Variants in LIPK observed in about 807,000 individuals in gnomAD.
The protein encoded by LIPK is lipase family member K, also known as lipase member K.
Under a neutral mutation model 48.6 loss-of-function variants are expected in LIPK, and 32 were observed. That is an observed-to-expected ratio of 0.66 (90% CI 0.50 to 0.88). The LOEUF (loss-of-function observed/expected upper bound fraction) is 0.88. Among genes scored for constraint, LIPK ranks in the 40% least tolerant of loss-of-function variants. The pLI, the probability that LIPK is intolerant of heterozygous loss-of-function variation, is 0.00. For missense variants in LIPK, 507 were observed against 478.5 expected (o/e 1.06, Z -0.56); for synonymous variants, 164 against 157.4 (o/e 1.04, Z -0.32).
chr10:88,743,039 G>T (rs777224367), intron 8 of LIPK, among the ~76,000 whole-genome samples: 4 of 152,286 alleles, frequency 2.6e-5, no homozygotes, highest in Admixed American at 6.5e-5. Context: ...TCACTGGAAA[G>T]ATACAGGAAT....
intron 3 of LIPK, chr10:88,728,677 C>G (rs918796048): frequency 1.3e-5 from 6 of 469,300 alleles, no homozygotes; most frequent in Admixed American, 4.3e-5. Flanking sequence ...CCGCTGGAGT[C>G]TGGGACGCAG....
At chr10:88,707,815 A>G (rs1195475118) in intron 1 of LIPK, among the ~76,000 whole-genome samples, 1 of 151,952 alleles carries the variant, frequency 6.6e-6, no homozygotes, top group Non-Finnish European at 1.5e-5. Context: ...ATTGTCTTTC[A>G]CCCTGTGGGT....
intron 1 of LIPK, among the ~76,000 whole-genome samples, chr10:88,711,145 A>C (rs1842019153): frequency 6.6e-6 from 1 of 151,910 alleles, no homozygotes; most frequent in Non-Finnish European, 1.5e-5. Context: ...TTTTAAATTT[A>C]ATTTTTTTGT....
intron 1 of LIPK, among the ~76,000 whole-genome samples, chr10:88,720,809 G>A (rs1250501258): frequency 1.3e-5 from 2 of 151,862 alleles, no homozygotes; most frequent in Non-Finnish European, 2.9e-5. Flanking sequence ...TTTGCCCATG[G>A]CCTCTTTATA....
At chr10:88,751,315 T>C (rs575538548) in intron 9 of LIPK, among the ~76,000 whole-genome samples, 2 of 152,306 alleles carry the variant, frequency 1.3e-5, no homozygotes, top group African/African-American at 4.8e-5. Flanking sequence ...AAAGTAGTCA[T>C]GAATGATACT....
chr10:88,741,232 C>CA (rs1285119062), intron 8 of LIPK, among the ~76,000 whole-genome samples: 3 of 151,776 alleles, frequency 2.0e-5, no homozygotes, highest in South Asian at 2.1e-4. Flanking sequence ...GACAGGGTCT[C>CA]AAAAAAAAGC....
chr10:88,716,964 A>AGACAGAT (rs1390506677), intron 1 of LIPK, among the ~76,000 whole-genome samples: 3 of 152,138 alleles, frequency 2.0e-5, no homozygotes, highest in Non-Finnish European at 4.4e-5. Context: ...AGTGAGCAGC[A>AGACAGAT]GACAGATGAT....
At chr10:88,749,518 T>G (rs1769702) in intron 9 of LIPK, among the ~76,000 whole-genome samples, 1 of 152,016 alleles carries the variant, frequency 6.6e-6, no homozygotes, top group Non-Finnish European at 1.5e-5. Context: ...GGGGAAAGGA[T>G]GGTCTATTCA....
At chr10:88,734,707 T>G (rs1166790232) in intron 6 of LIPK, among the ~76,000 whole-genome samples, 1 of 152,152 alleles carries the variant, frequency 6.6e-6, no homozygotes, top group Non-Finnish European at 1.5e-5. Flanking sequence ...ACAAGAGTTG[T>G]GCACTGATGA....
intron 1 of LIPK, among the ~76,000 whole-genome samples, chr10:88,717,665 G>A (rs950102352): frequency 1.3e-5 from 2 of 152,126 alleles, no homozygotes; most frequent in Non-Finnish European, 2.9e-5. Context: ...AAATAATGAT[G>A]TACCATCTGA....
At chr10:88,715,839 T>C (rs1036451312) in intron 1 of LIPK, among the ~76,000 whole-genome samples, 11 of 152,018 alleles carry the variant, frequency 7.2e-5, no homozygotes, top group African/African-American at 2.2e-4. Context: ...TTCTGCCTTA[T>C]TCTAGGATAA....
At chr10:88,730,909 A>G in intron 3 of LIPK, 74 bp from the exon 4 acceptor site, 1 of 1,341,346 alleles carries the variant, frequency 7.5e-7, no homozygotes, top group Non-Finnish European at 1.0e-6. Context: ...TACTACAGAA[A>G]TTCAGGAATG....
At chr10:88,731,692 G>C (rs1219274318) in intron 4 of LIPK, among the ~76,000 whole-genome samples, 1 of 152,196 alleles carries the variant, frequency 6.6e-6, no homozygotes, top group Non-Finnish European at 1.5e-5. Flanking sequence ...CCTTGCAAAT[G>C]ACTAGAAAAT....
At chr10:88,741,621 T>TG (rs1456491022) in intron 8 of LIPK, among the ~76,000 whole-genome samples, 2 of 152,086 alleles carry the variant, frequency 1.3e-5, no homozygotes, top group Non-Finnish European at 2.9e-5. Flanking sequence ...GTGGGGATGG[T>TG]GGGGGGCATG....
chr10:88,746,097 A>G (rs1423902964), intron 9 of LIPK, among the ~76,000 whole-genome samples: 2 of 152,142 alleles, frequency 1.3e-5, no homozygotes, highest in African/African-American at 4.8e-5. Flanking sequence ...ATATATATGC[A>G]CCCAACACAG....
chr10:88,710,674 T>C (rs1842011915), intron 1 of LIPK, among the ~76,000 whole-genome samples: 1 of 152,130 alleles, frequency 6.6e-6, no homozygotes, highest in Non-Finnish European at 1.5e-5. Context: ...TGTCGATGAG[T>C]AGTAAGCATT....
chr10:88,706,948 A>C (rs1841946763), intron 1 of LIPK, among the ~76,000 whole-genome samples: 1 of 152,132 alleles, frequency 6.6e-6, no homozygotes, highest in Admixed American at 6.6e-5. Context: ...ATTTAAGAGT[A>C]TCATGCTCCT....
chr10:88,750,403 T>C (rs897995777), intron 9 of LIPK, among the ~76,000 whole-genome samples: 1 of 152,150 alleles, frequency 6.6e-6, no homozygotes, highest in Non-Finnish European at 1.5e-5. Flanking sequence ...GGAATCTAGA[T>C]GCCCATAAGA....
chr10:88,744,976 C>T (rs1433177713), intron 9 of LIPK, among the ~76,000 whole-genome samples: 3 of 152,152 alleles, frequency 2.0e-5, no homozygotes, highest in Non-Finnish European at 2.9e-5. Context: ...ATAAGAATTT[C>T]ATAATATAAC....
Sources: allele counts gnomAD v4.1 joint callset (sites outside exome capture counted in the v4.1 genomes callset), GRCh38; gene constraint gnomAD v4.1.1; transcripts MANE v1.5; gene names NCBI Gene and HGNC (gene_info 2026-07-23, HGNC 2026-07-21).